PARD3: variants seen among roughly 807,000 people sequenced by gnomAD.
PARD3 encodes the protein par-3 family cell polarity regulator, also known as partitioning defective 3 homolog.
Under a neutral mutation model 155.4 loss-of-function variants are expected in PARD3, and 75 were observed. That is an observed-to-expected ratio of 0.48 (90% CI 0.40 to 0.58). The LOEUF (loss-of-function observed/expected upper bound fraction) is 0.58, where lower values mean the gene tolerates loss of function less well. Among genes scored for constraint, PARD3 ranks in the 20% least tolerant of loss-of-function variants. The pLI is 0.00. For synonymous variants in PARD3, 576 were observed against 610.5 expected (o/e 0.94, Z 0.83); for missense variants, 1,642 against 1,721.7 (o/e 0.95, Z 0.82).
At chr10:34,774,290 C>G (rs565026500) in intron 1 of PARD3, among the ~76,000 whole-genome samples, 1 of 152,284 alleles carries the variant, frequency 6.6e-6, no homozygotes, top group Non-Finnish European at 1.5e-5. Flanking sequence ...CACGGAGTCA[C>G]CTTTTAGGCA....
At chr10:34,473,067 C>T (rs922455449) in intron 3 of PARD3, among the ~76,000 whole-genome samples, 13 of 152,006 alleles carry the variant, frequency 8.6e-5, no homozygotes, top group African/African-American at 2.4e-4. Flanking sequence ...CCAGGCCCTG[C>T]GGGATGTCTC....
At chr10:34,640,733 A>AAAAAAAAAAAAAAAAAAAAC (rs2092650652) in intron 2 of PARD3, among the ~76,000 whole-genome samples, 1 of 145,590 alleles carries the variant, frequency 6.9e-6, no homozygotes, top group African/African-American at 2.6e-5. Flanking sequence ...AAAAAAAAAA[A>AAAAAAAAAAAAAAAAAAAAC]AAAGCACTTT....
chr10:34,119,716 T>G lies in PARD3; in HGVS notation c.3565A>C (p.Ser1189Arg). Residue 1189 changes from serine (S) to arginine (R), a missense_variant, in exon 24 of 25, where the codon AGC becomes CGC. Coordinates refer to ENST00000374788, the MANE Select transcript of PARD3 (RefSeq NM_001184785.2). ...PWPNARPATQ[S>R]GRHSVSVEVQ... ...TCCACGGACACCGAGTGTCGCCCGC[T>G]CTGCGTCGCCGGCCGTGCGTTCGGC... The G allele has an allele frequency of 6.2e-7, 1 of 1,612,378 alleles. No homozygotes were observed. The highest frequency in any genetic ancestry group is 8.5e-7 in the Non-Finnish European group (1 of 1,179,060).
chr10:34,777,204 G>A (rs1270467053), intron 1 of PARD3, among the ~76,000 whole-genome samples: 1 of 151,868 alleles, frequency 6.6e-6, no homozygotes, highest in Non-Finnish European at 1.5e-5. Context: ...ACTCCTGCCT[G>A]CTCACAAAGC....
intron 4 of PARD3, among the ~76,000 whole-genome samples, chr10:34,450,772 T>A (rs1426146616): frequency 1.3e-5 from 2 of 152,152 alleles, no homozygotes; most frequent in Non-Finnish European, 2.9e-5. Flanking sequence ...GAAAAGTACT[T>A]CTATACAAGA....
chr10:34,639,793 G>A (rs1305055913), intron 2 of PARD3, among the ~76,000 whole-genome samples: 2 of 152,088 alleles, frequency 1.3e-5, no homozygotes, highest in Admixed American at 6.5e-5. Context: ...TTGAGGCCAG[G>A]AGATCAAGGC....
intron 2 of PARD3, among the ~76,000 whole-genome samples, chr10:34,636,780 G>A (rs753650731): frequency 7.9e-5 from 12 of 152,214 alleles, no homozygotes; most frequent in Admixed American, 3.9e-4. Context: ...GGAAAGACCC[G>A]ATGCCGTGAC....
chr10:34,679,496 G>A (rs931886318), intron 2 of PARD3, among the ~76,000 whole-genome samples: 3 of 152,180 alleles, frequency 2.0e-5, no homozygotes, highest in Non-Finnish European at 4.4e-5. Flanking sequence ...AGCCCTCGGA[G>A]TGTGACTATT....
rs190115763 is a variant in PARD3, at chr10:34,523,262, C to T, written c.223-6103G>A. 2.3e-3 allele frequency among the ~76,000 whole-genome samples: 346 copies of T among 152,306 alleles called. 1 individual carries two copies. Among genetic ancestry groups the T allele is most frequent in the African/African-American group, 7.2e-3 (298 of 41,578 alleles). On this transcript the variant is annotated intron_variant, in intron 2 of 24. Coordinates refer to ENST00000374788, the MANE Select transcript of PARD3 (RefSeq NM_001184785.2). ...CAAAGACCTCTAGGTTCAAACTCCA[C>T]ACACCCTGAGAAGCCATTTTAATGT...
In PARD3 at chr10:34,474,901, G is replaced by A. The variant is rs544394995; in HGVS notation, c.404-4638C>T. Among the ~76,000 whole-genome samples, 4 of 152,204 alleles carry A rather than the reference G, an allele frequency of 2.6e-5. No homozygotes were observed. In the East Asian group the frequency reaches 5.8e-4, roughly 22 times the overall value. On this transcript the variant is annotated intron_variant, in intron 3 of 24. Transcript: ENST00000374788. ...TTTCATTTTGGGAAGAGGAAGAAAC[G>A]TTACATTAGCCATAAACATATATTG...
Position 34,158,893 on chromosome 10 carries a change from A to G in PARD3, c.3420-27310T>C, listed in dbSNP as rs1461082687. ...GCCCTTGAACCTATCAAAGATGGGT[A>G]AGAGAAGTGAGGTTGAAAGGCTTTG... On this transcript the variant is annotated intron_variant, in intron 22 of 24. Coordinates refer to ENST00000374788, the MANE Select transcript of PARD3 (RefSeq NM_001184785.2). Among the ~76,000 whole-genome samples the G allele has an allele frequency of 2.6e-5, 4 of 152,234 alleles. No homozygotes were observed. The East Asian group carries it at 7.7e-4, about 29-fold the overall frequency.
chr10:34,424,331 CA>C (rs1287935037), intron 5 of PARD3, among the ~76,000 whole-genome samples: 1 of 152,082 alleles, frequency 6.6e-6, no homozygotes, highest in Non-Finnish European at 1.5e-5. Flanking sequence ...TTATTTAATA[CA>C]TTCATAATAA....
At chr10:34,251,477 G>C (rs868376270) in intron 22 of PARD3, among the ~76,000 whole-genome samples, 1 of 152,180 alleles carries the variant, frequency 6.6e-6, no homozygotes, top group Non-Finnish European at 1.5e-5. Flanking sequence ...AGTGAGGTAA[G>C]TGTTATTATC....
intron 2 of PARD3, among the ~76,000 whole-genome samples, chr10:34,557,637 C>A (rs1347367667): frequency 1.3e-5 from 2 of 152,060 alleles, no homozygotes; most frequent in Non-Finnish European, 2.9e-5. Flanking sequence ...CGCCACCATG[C>A]CTGGCTAAGA....
chr10:34,762,058 T>C (rs902562814), intron 1 of PARD3, among the ~76,000 whole-genome samples: 13 of 152,200 alleles, frequency 8.5e-5, no homozygotes, highest in African/African-American at 3.1e-4. Context: ...CATACTTTTA[T>C]TGACATTGAA....
rs1564418258 is a variant in PARD3 at position 34,131,597 on chromosome 10, G to A, written c.3420-14C>T. 6.2e-7 allele frequency: 1 copy of A among 1,612,934 alleles called. No individual in the cohort carries two copies. Among genetic ancestry groups the A allele is most frequent in the African/African-American group, 1.3e-5 (1 of 75,026 alleles). ...GTTGATCTGTTACTGAAAGAGAGAT[G>A]AGGCAGCAGTGAATACCCTTCAGAA... On this transcript the variant is annotated splice_polypyrimidine_tract_variant and intron_variant, in intron 22 of 24. Coordinates refer to ENST00000374788, the MANE Select transcript of PARD3 (RefSeq NM_001184785.2).
chr10:34,710,794 G>A (rs955966930), intron 1 of PARD3, among the ~76,000 whole-genome samples: 12 of 152,120 alleles, frequency 7.9e-5, no homozygotes, highest in African/African-American at 2.4e-4. Flanking sequence ...TTATGTTTTT[G>A]TTTATTCTCT....
chr10:34,702,671 T>TC (rs1458970845), intron 1 of PARD3, among the ~76,000 whole-genome samples: 1 of 152,110 alleles, frequency 6.6e-6, no homozygotes, highest in Non-Finnish European at 1.5e-5. Flanking sequence ...CCAGGGCTTA[T>TC]CCCCCCAAGG....
chr10:34,469,686 TC>T (rs1190071181), intron 4 of PARD3, among the ~76,000 whole-genome samples: 1 of 152,150 alleles, frequency 6.6e-6, no homozygotes, highest in Non-Finnish European at 1.5e-5. Flanking sequence ...TATAAATGTG[TC>T]AAATATCCCT....
Sources: gnomAD v4.1 joint callset for allele counts (sites outside exome capture counted in the v4.1 genomes callset) on GRCh38, gnomAD v4.1.1 for gene constraint, MANE v1.5 for transcripts, NCBI Gene and HGNC (gene_info 2026-07-23, HGNC 2026-07-21) for gene names.